PTPRD: variants seen among roughly 807,000 people sequenced by gnomAD.
PTPRD encodes protein tyrosine phosphatase receptor type D.
Under a neutral mutation model 214.5 loss-of-function variants are expected in PTPRD, and 34 were observed. The ratio of observed to expected loss-of-function variants is 0.16; its 90% confidence interval spans 0.12 to 0.21. PTPRD has a LOEUF of 0.21. Ranked by LOEUF, PTPRD falls within the 10% of genes least tolerant of loss-of-function variation. The probability of loss-of-function intolerance (pLI) is 1.00; values close to 1 mark genes in which losing one functional copy is unlikely to be tolerated. For synonymous variants in PTPRD, 1,128 were observed against 845.7 expected, an observed-to-expected ratio of 1.33 and a Z score of -5.79; for missense variants, 2,545 against 2,398.7, an observed-to-expected ratio of 1.06 and a Z score of -1.27.
At chr9:8,633,252 A>T (rs983453318) in intron 14 of PTPRD, 65 bp downstream of exon 14, 7 of 1,551,046 alleles carry the variant, frequency 4.5e-6, no homozygotes, top group Non-Finnish European at 5.2e-6. Flanking sequence ...CTTTTCAATG[A>T]TGCTACAAAA....
chr9:9,986,805 C>T (rs537004124), intron 4 of PTPRD, among the ~76,000 whole-genome samples: 1 of 152,114 alleles, frequency 6.6e-6, no homozygotes, highest in Admixed American at 6.5e-5. Flanking sequence ...TTCAATAATA[C>T]AAGATGAACA....
chr9:10,010,173 T>C (rs1588826091), intron 4 of PTPRD, among the ~76,000 whole-genome samples: 1 of 151,896 alleles, frequency 6.6e-6, no homozygotes, highest in Non-Finnish European at 1.5e-5. Flanking sequence ...CACTTGTCCA[T>C]GTTCACCCAA....
rs530839467 is a variant in PTPRD at position 9,540,883 on chromosome 9, C to T, written c.-237+33849G>A. 3.0e-4 allele frequency among the ~76,000 whole-genome samples: 45 copies of T among 151,694 alleles called. No homozygotes were observed. In the South Asian group the frequency reaches 8.9e-3, roughly 30 times the overall value. ...TTCCACTTACCGCTGGGATGCAAAACGTTGCCATAAATTTTTGTTCCTATC... is the reference window on the plus strand; with the variant it reads ...TTCCACTTACCGCTGGGATGCAAAATGTTGCCATAAATTTTTGTTCCTATC... On this transcript the variant is annotated intron_variant, in intron 8 of 45. Transcript: ENST00000381196.
chr9:10,291,316 T>A (rs1189075811), intron 3 of PTPRD, among the ~76,000 whole-genome samples: 2 of 152,044 alleles, frequency 1.3e-5, no homozygotes, highest in Non-Finnish European at 2.9e-5. Context: ...GTAGATGGAA[T>A]GATGGTCTCA....
intron 8 of PTPRD, among the ~76,000 whole-genome samples, chr9:9,503,933 T>G (rs1182291789): frequency 6.6e-6 from 1 of 151,768 alleles, no homozygotes; most frequent in Non-Finnish European, 1.5e-5. Flanking sequence ...CTTGGAATGG[T>G]GCCACTTTTG....
chr9:10,181,496 A>G (rs975064519), intron 3 of PTPRD, among the ~76,000 whole-genome samples: 1 of 152,034 alleles, frequency 6.6e-6, no homozygotes. Flanking sequence ...AGACTTCACC[A>G]ACACTAACTT....
At chr9:8,379,638 C>T (rs188530190) in intron 37 of PTPRD, among the ~76,000 whole-genome samples, 19 of 152,226 alleles carry the variant, frequency 1.2e-4, no homozygotes, top group Admixed American at 8.5e-4. Flanking sequence ...TTCCCCTACT[C>T]GGTCTTCTTA....
chr9:9,818,251 G>A (rs765914506), intron 5 of PTPRD, among the ~76,000 whole-genome samples: 5 of 152,076 alleles, frequency 3.3e-5, no homozygotes, highest in Admixed American at 6.5e-5. Flanking sequence ...AGTAATGTAC[G>A]CTGTTCTATA....
chr9:8,940,446 C>CTTTTTTTTTTTTTTTT (rs34288443), intron 11 of PTPRD, among the ~76,000 whole-genome samples: 14 of 95,020 alleles, frequency 1.5e-4, no homozygotes, highest in Admixed American at 2.7e-4. Context: ...CCACTCCCAG[C>CTTTTTTTTTTTTTTTT]TTTTTTTTTT....
intron 39 of PTPRD, among the ~76,000 whole-genome samples, chr9:8,373,246 G>C (rs1249042895): frequency 6.6e-6 from 1 of 151,882 alleles, no homozygotes; most frequent in Non-Finnish European, 1.5e-5. Flanking sequence ...TTTTAACTTG[G>C]CTTGTATTCA....
At chr9:10,212,562 A>G (rs1163995638) in intron 3 of PTPRD, among the ~76,000 whole-genome samples, 1 of 152,138 alleles carries the variant, frequency 6.6e-6, no homozygotes, top group African/African-American at 2.4e-5. Flanking sequence ...CTATAGTTTA[A>G]AAGCTCCAAA....
intron 3 of PTPRD, among the ~76,000 whole-genome samples, chr9:10,089,655 G>C (rs1351600472): frequency 6.6e-6 from 1 of 151,534 alleles, no homozygotes; most frequent in Non-Finnish European, 1.5e-5. Flanking sequence ...AACAGAATAA[G>C]GTATAACTTC....
chr9:10,094,466 T>C (rs894025003), intron 3 of PTPRD, among the ~76,000 whole-genome samples: 1 of 150,618 alleles, frequency 6.6e-6, no homozygotes, highest in Non-Finnish European at 1.5e-5. Context: ...AATTAATAGA[T>C]CTAAGAAACC....
intron 30 of PTPRD, among the ~76,000 whole-genome samples, chr9:8,483,306 T>TCC (rs1285259007): frequency 6.6e-6 from 1 of 152,254 alleles, no homozygotes; most frequent in East Asian, 1.9e-4. Context: ...TTTCCTACTT[T>TCC]TAATACATCA....
At chr9:9,339,479 C>T (rs945777391) in intron 9 of PTPRD, among the ~76,000 whole-genome samples, 2 of 152,076 alleles carry the variant, frequency 1.3e-5, no homozygotes, top group African/African-American at 4.8e-5. Flanking sequence ...TGAACACATG[C>T]TTTTCCATGA....
chr9:8,573,603 C>G (rs959556068), intron 14 of PTPRD, among the ~76,000 whole-genome samples: 1 of 151,878 alleles, frequency 6.6e-6, no homozygotes, highest in East Asian at 1.9e-4. Flanking sequence ...AGCCATCTTT[C>G]TTGACTATTA....
chr9:9,232,748 A>C (rs1456680737), intron 9 of PTPRD, among the ~76,000 whole-genome samples: 4 of 152,132 alleles, frequency 2.6e-5, no homozygotes, highest in South Asian at 4.1e-4. Context: ...TGGCACTATG[A>C]CATGTTTAGT....
Position 8,342,041 on chromosome 9 carries a change from A to G in PTPRD, c.4662-63T>C, listed in dbSNP as rs1439181445. 3.5e-6 allele frequency: 5 copies of G among 1,440,608 alleles called. No homozygotes were observed. In the East Asian group the frequency reaches 9.9e-5, roughly 29 times the overall value. 89.2% of individuals were successfully genotyped at this position (1,440,608 alleles called of 1,614,324 possible). A position where few individuals can be genotyped will look rare whatever the true frequency, so the allele number is the denominator to read the frequency against. Reference sequence around the variant, plus strand: ...TATCAGAAAATCAATACATAATAAAAGTATTTTTATTATTCTTATTAACTA... The same window carrying G: ...TATCAGAAAATCAATACATAATAAAGGTATTTTTATTATTCTTATTAACTA... On this transcript the variant is annotated intron_variant, in intron 39 of 45. Transcript: ENST00000381196.
intron 7 of PTPRD, among the ~76,000 whole-genome samples, chr9:9,658,844 G>T (rs2096571028): frequency 6.6e-6 from 1 of 152,040 alleles, no homozygotes; most frequent in Admixed American, 6.6e-5. Flanking sequence ...CTTGGTGCTT[G>T]TTATTATTGC....
Sources: allele counts gnomAD v4.1 joint callset (sites outside exome capture counted in the v4.1 genomes callset), GRCh38; gene constraint gnomAD v4.1.1; transcripts MANE v1.5; gene names NCBI Gene and HGNC (gene_info 2026-07-23, HGNC 2026-07-21).